TMTC2: variants seen among roughly 807,000 people sequenced by gnomAD.
The protein encoded by TMTC2 is protein O-mannosyl-transferase TMTC2.
A neutral mutation model predicts 82.4 loss-of-function variants in TMTC2; 43 were observed. That is an observed-to-expected ratio of 0.52 (90% CI 0.41 to 0.67). The LOEUF is 0.67. Ranked by LOEUF, TMTC2 falls within the 30% of genes least tolerant of loss-of-function variation. The pLI, the probability that TMTC2 is intolerant of heterozygous loss-of-function variation, is 0.00. For synonymous variants in TMTC2, 408 were observed against 381.9 expected (o/e 1.07, Z -0.80); for missense variants, 919 against 1,012.4 (o/e 0.91, Z 1.25).
intron 3 of TMTC2, among the ~76,000 whole-genome samples, chr12:82,906,813 A>G (rs1197052954): frequency 2.0e-5 from 3 of 152,158 alleles, no homozygotes; most frequent in African/African-American, 7.2e-5. Context: ...ACAGCTTTTC[A>G]TTTTTACCAG....
At chr12:82,952,443 G>A (rs1877397512) in intron 4 of TMTC2, among the ~76,000 whole-genome samples, 1 of 151,958 alleles carries the variant, frequency 6.6e-6, no homozygotes, top group Admixed American at 6.6e-5. Context: ...ATTAAATGAA[G>A]TTTTTATTAA....
chr12:82,933,361 A>T (rs1242149103), intron 4 of TMTC2, among the ~76,000 whole-genome samples: 3 of 152,326 alleles, frequency 2.0e-5, no homozygotes, highest in Middle Eastern at 6.8e-3. Context: ...TATTTATAGG[A>T]ACATTTTTTC....
intron 10 of TMTC2, among the ~76,000 whole-genome samples, chr12:83,057,575 T>C (rs1001124245): frequency 3.9e-5 from 6 of 151,982 alleles, no homozygotes; most frequent in African/African-American, 1.4e-4. Context: ...CTTCTGTTCC[T>C]ACTGTATAAC....
intron 1 of TMTC2, among the ~76,000 whole-genome samples, chr12:82,806,498 C>T (rs1288074071): frequency 6.6e-6 from 1 of 152,012 alleles, no homozygotes; most frequent in Non-Finnish European, 1.5e-5. Flanking sequence ...ATACAGTTGA[C>T]CTTTGAATAA....
intron 11 of TMTC2, among the ~76,000 whole-genome samples, chr12:83,087,124 A>G (rs1166334967): frequency 4.6e-5 from 7 of 152,210 alleles, no homozygotes; most frequent in African/African-American, 1.4e-4. Flanking sequence ...CTTTGTTATC[A>G]TATCAGCAGT....
At chr12:83,122,482 G>A (rs1884983748) in intron 11 of TMTC2, among the ~76,000 whole-genome samples, 1 of 152,120 alleles carries the variant, frequency 6.6e-6, no homozygotes, top group Non-Finnish European at 1.5e-5. Context: ...CCCAGCAAGT[G>A]TACAGAGCTT....
chr12:83,060,137 G>T (rs1374756811), intron 10 of TMTC2, among the ~76,000 whole-genome samples: 1 of 151,702 alleles, frequency 6.6e-6, no homozygotes, highest in Non-Finnish European at 1.5e-5. Flanking sequence ...TAACATTTAT[G>T]AGAATATAAA....
In TMTC2 at chr12:82,986,066, G is replaced by C. The variant is rs1279841239; in HGVS notation, c.2070+20G>C. 6.2e-7 allele frequency: 1 copy of C among 1,613,602 alleles called. No homozygotes were observed. The highest frequency in any genetic ancestry group is 8.5e-7 in the Non-Finnish European group (1 of 1,179,800). On this transcript the variant is annotated intron_variant, in intron 8 of 11. Coordinates refer to ENST00000321196, the MANE Select transcript of TMTC2 (RefSeq NM_152588.3). ...CTAACAGTGAGTAACCGCCTTCCTT[G>C]GTCTTTAAAACTTGGTTTTCTCCAT...
At chr12:82,807,660 C>T (rs1471196018) in intron 1 of TMTC2, among the ~76,000 whole-genome samples, 1 of 151,992 alleles carries the variant, frequency 6.6e-6, no homozygotes. Flanking sequence ...AATGAGGAAG[C>T]ATCATGTGAG....
chr12:82,960,007 A>C (rs75460491), intron 4 of TMTC2, among the ~76,000 whole-genome samples: 1 of 151,968 alleles, frequency 6.6e-6, no homozygotes, highest in African/African-American at 2.4e-5. Flanking sequence ...AACAAAAAAA[A>C]GAAAGATATG....
chr12:82,888,028 G>A (rs149398494), intron 2 of TMTC2, among the ~76,000 whole-genome samples: 32 of 152,190 alleles, frequency 2.1e-4, no homozygotes, highest in Admixed American at 7.2e-4. Flanking sequence ...GCAGTGAGCC[G>A]AAATCGCGCC....
chr12:82,891,695 A>T (rs1873404109), intron 2 of TMTC2, among the ~76,000 whole-genome samples: 2 of 151,832 alleles, frequency 1.3e-5, no homozygotes, highest in African/African-American at 4.9e-5. Context: ...TACTTTTTTT[A>T]ATTTTTATTT....
intron 11 of TMTC2, among the ~76,000 whole-genome samples, chr12:83,068,191 G>C (rs1218044533): frequency 6.6e-6 from 1 of 152,016 alleles, no homozygotes; most frequent in African/African-American, 2.4e-5. Context: ...TAGTGAATAT[G>C]GTAGTAGGGG....
chr12:82,960,837 A>C (rs914919089), intron 4 of TMTC2, among the ~76,000 whole-genome samples: 2 of 145,224 alleles, frequency 1.4e-5, no homozygotes, highest in African/African-American at 5.1e-5. Context: ...TTTAAAAAAA[A>C]TGTATAATGT....
chr12:82,925,276 G>C (rs1592631738), intron 3 of TMTC2, among the ~76,000 whole-genome samples: 1 of 152,018 alleles, frequency 6.6e-6, no homozygotes, highest in Non-Finnish European at 1.5e-5. Context: ...ACTATCTCCA[G>C]CATAAGCTCA....
intron 1 of TMTC2, among the ~76,000 whole-genome samples, chr12:82,848,761 A>G (rs1483810059): frequency 6.6e-6 from 1 of 152,148 alleles, no homozygotes; most frequent in East Asian, 1.9e-4. Flanking sequence ...AAGATCCCTG[A>G]TATTTGTAGC....
chr12:82,769,370 G>C (rs11115391), intron 1 of TMTC2, among the ~76,000 whole-genome samples: 1 of 151,736 alleles, frequency 6.6e-6, no homozygotes, highest in South Asian at 2.1e-4. Context: ...CAGAGACTCA[G>C]GAGGCTGAGG....
chr12:82,815,748 C>T (rs866000783), intron 1 of TMTC2, among the ~76,000 whole-genome samples: 11 of 151,930 alleles, frequency 7.2e-5, no homozygotes, highest in Admixed American at 1.3e-4. Context: ...AGGTGTGACC[C>T]GGCAAATCTA....
At chr12:82,745,055 C>G (rs7968480) in intron 1 of TMTC2, among the ~76,000 whole-genome samples, 3,407 of 152,088 alleles carry the variant, frequency 0.022, 129 homozygotes, top group African/African-American at 0.078. Context: ...AAGAACTCCT[C>G]AGAATATAAA....
Sources: allele counts gnomAD v4.1 joint callset (sites outside exome capture counted in the v4.1 genomes callset), GRCh38; gene constraint gnomAD v4.1.1; transcripts MANE v1.5; gene names NCBI Gene and HGNC (gene_info 2026-07-23, HGNC 2026-07-21).